HECA: variants seen among roughly 807,000 people sequenced by gnomAD.
HECA encodes the protein HECA ribonucleoprotein granule regulator.
In HECA, 13 loss-of-function variants were observed where a neutral mutation model predicts 37.6. That is an observed-to-expected ratio of 0.35 (90% CI 0.23 to 0.55). The LOEUF (loss-of-function observed/expected upper bound fraction) is 0.55. Among genes scored for constraint, HECA ranks in the 20% least tolerant of loss-of-function variants. The pLI, the probability that HECA is intolerant of heterozygous loss-of-function variation, is 0.90. For synonymous variants in HECA, 307 were observed against 291.5 expected (o/e 1.05, Z -0.54); for missense variants, 527 against 701.9 (o/e 0.75, Z 2.82).
At chr6:139,158,745 T>C (rs559607205) in intron 1 of HECA, among the ~76,000 whole-genome samples, 1 of 152,088 alleles carries the variant, frequency 6.6e-6, no homozygotes, top group Admixed American at 6.5e-5. Flanking sequence ...ACTTCTTCAT[T>C]CCTCATGGCA....
chr6:139,136,477 AC>A (rs1278568159), intron 1 of HECA, among the ~76,000 whole-genome samples: 3 of 151,316 alleles, frequency 2.0e-5, no homozygotes, highest in Non-Finnish European at 2.9e-5. Flanking sequence ...GCAAACACTT[AC>A]TTATTTGGAC....
intron 1 of HECA, among the ~76,000 whole-genome samples, chr6:139,156,590 A>G (rs1421228358): frequency 1.3e-5 from 2 of 152,260 alleles, no homozygotes; most frequent in African/African-American, 2.4e-5. Flanking sequence ...TGGAAAAGAA[A>G]TTAGATGTGA....
At chr6:139,144,174 A>T (rs915158335) in intron 1 of HECA, 1 of 152,096 alleles carries the variant, frequency 6.6e-6, no homozygotes. Context: ...CATTCATTAG[A>T]TCCTAATTCA....
chr6:139,135,701 C>T (rs1774425491), intron 1 of HECA, 34 bp downstream of exon 1: 4 of 960,298 alleles, frequency 4.2e-6, no homozygotes, highest in Admixed American at 6.2e-5. Flanking sequence ...GCGCCAACTT[C>T]CTCCCCGACG....
chr6:139,135,654 C>T lies in HECA; in HGVS notation c.258C>T (p.Gly86=). Residue 86 remains glycine (G), a synonymous_variant, in exon 1 of 4, where the codon GGC becomes GGT. Transcript: ENST00000367658. ...CCGCCGCGGGGGCTGCGGCCGCGGG[C>T]GATGCCAAAAACGGTAAGACGGGGC... ...AAAAAGAAAA[G]DAKNEAPCAT... 1.0e-6 allele frequency: 1 copy of T among 980,926 alleles called. No homozygotes were observed. Among genetic ancestry groups the T allele is most frequent in the Non-Finnish European group, 1.2e-6 (1 of 826,366 alleles). 60.8% of individuals were successfully genotyped at this position (980,926 alleles called of 1,614,324 possible).
chr6:139,161,787 T>C (rs1300639656), intron 1 of HECA, among the ~76,000 whole-genome samples: 1 of 152,216 alleles, frequency 6.6e-6, no homozygotes, highest in Non-Finnish European at 1.5e-5. Context: ...GTTATTGTGG[T>C]TACATTTCAG....
In HECA at chr6:139,176,497, G is replaced by T. The variant is rs956798943; in HGVS notation, c.1468-444G>T. Among the ~76,000 whole-genome samples, 1 of 152,120 alleles carries T rather than the reference G, an allele frequency of 6.6e-6. No individual in the cohort carries two copies. The stretch of plus-strand genomic sequence containing the variant: ...ACTCCAGAAGCCTCAGACCAGCACC[G>T]CACTTCCTGGATTGCTAATTTTACT... On this transcript the variant is annotated intron_variant, in intron 3 of 3. Transcript: ENST00000367658. The surrounding 1 kb of genome is among the most constrained non-coding windows in gnomAD (Gnocchi z 4.5).
intron 1 of HECA, among the ~76,000 whole-genome samples, chr6:139,145,582 C>A (rs529381992): frequency 5.0e-4 from 76 of 152,290 alleles, no homozygotes; most frequent in African/African-American, 1.8e-3. Flanking sequence ...GAAAAACTTT[C>A]TCTACTCTCT....
Position 139,177,008 on chromosome 6 carries a change from C to T in HECA, c.1535C>T (p.Ser512Phe). The change falls in exon 4 of 4, where the codon TCC (serine) becomes TTC (phenylalanine). Residue 512 changes from serine to phenylalanine, a missense_variant. Around this residue, in one of 4 missense-constraint regions of HECA, gnomAD observed 106 missense variants for 193.4 expected, o/e 0.55. Transcript: ENST00000367658. This position sits in a 1 kb window ranked among gnomAD's most constrained non-coding sequence, Gnocchi z 4.9. ...GTGAGGATCGGGATGCAGTACTTCTCCGAATATAGCAACGTCCAGCAGTGT... is the reference window on the plus strand; with the variant it reads ...GTGAGGATCGGGATGCAGTACTTCTTCGAATATAGCAACGTCCAGCAGTGT... ...IDVRIGMQYF[S>F]EYSNVQQCPH... is the part of the protein sequence containing the mutation. 1 of 872,792 alleles carries T rather than the reference C, an allele frequency of 1.1e-6. No individual in the cohort carries two copies. Among genetic ancestry groups the T allele is most frequent in the Non-Finnish European group, 2.0e-6 (1 of 501,592 alleles). 54.1% of individuals were successfully genotyped at this position (872,792 alleles called of 1,614,324 possible). A position where few individuals can be genotyped will look rare whatever the true frequency, so the allele number is the denominator to read the frequency against.
At chr6:139,154,970 C>T (rs1236275182) in intron 1 of HECA, among the ~76,000 whole-genome samples, 2 of 152,208 alleles carry the variant, frequency 1.3e-5, no homozygotes, top group Admixed American at 1.3e-4. Context: ...GATTGTTTAA[C>T]AACTGGTTGG....
rs1775064852 is a variant in HECA, at chr6:139,177,243, A to C, written c.*138A>C. On this transcript the variant is annotated 3_prime_UTR_variant, in exon 4 of 4. Coordinates refer to ENST00000367658, the MANE Select transcript of HECA (RefSeq NM_016217.3). This position sits in a 1 kb window ranked among gnomAD's most constrained non-coding sequence, Gnocchi z 4.9. ...ACTTTGTTGTATGTGTGCCACTAAAATAGGGGCTGCCCTTGCCCTGTCTTG... is the reference window on the plus strand; with the variant it reads ...ACTTTGTTGTATGTGTGCCACTAAACTAGGGGCTGCCCTTGCCCTGTCTTG... The C allele has an allele frequency of 1.7e-6, 1 of 584,510 alleles. No individual in the cohort carries two copies. Among genetic ancestry groups the C allele is most frequent in the Non-Finnish European group, 3.0e-6 (1 of 334,502 alleles). 36.2% of individuals were successfully genotyped at this position (584,510 alleles called of 1,614,324 possible). A position where few individuals can be genotyped will look rare whatever the true frequency, so the allele number is the denominator to read the frequency against.
At chr6:139,171,836 GT>G (rs899592230) in intron 2 of HECA, among the ~76,000 whole-genome samples, 1,513 of 141,544 alleles carry the variant, frequency 0.011, 26 homozygotes, top group African/African-American at 0.037. Flanking sequence ...TTGTTGTTGT[GT>G]TTTTTTTTTT....
intron 1 of HECA, among the ~76,000 whole-genome samples, chr6:139,137,785 A>G (rs1454522531): frequency 6.6e-6 from 1 of 152,086 alleles, no homozygotes. Context: ...AAACTGGTTA[A>G]GGGGCCCCTA....
intron 1 of HECA, chr6:139,144,697 A>G (rs1329825696): frequency 6.6e-6 from 1 of 152,262 alleles, no homozygotes. Context: ...AAAATTATAT[A>G]TTTTAACAGA....
chr6:139,154,199 A>G (rs1009596332), intron 1 of HECA, among the ~76,000 whole-genome samples: 3 of 152,248 alleles, frequency 2.0e-5, no homozygotes, highest in African/African-American at 7.2e-5. Flanking sequence ...AAGCCTGTGT[A>G]TGTTCAATAC....
rs1376013792 is a variant in HECA at position 139,166,864 on chromosome 6, C to T, written c.852C>T (p.His284=). The change falls in exon 2 of 4, where the codon CAC becomes CAT. Residue 284 remains histidine, a synonymous_variant. Coordinates refer to ENST00000367658, the MANE Select transcript of HECA (RefSeq NM_016217.3). The part of the protein sequence containing the change: ...PTGYSILSPA[H]FSGPRSSRYL... Reference sequence around the variant, plus strand: ...GCTACTCCATCCTCTCTCCTGCCCACTTCAGCGGCCCCCGCTCCTCCAGAT... The same window carrying T: ...GCTACTCCATCCTCTCTCCTGCCCATTTCAGCGGCCCCCGCTCCTCCAGAT... The T allele has an allele frequency of 2.5e-6, 4 of 1,614,022 alleles. No individual in the cohort carries two copies. Among genetic ancestry groups the T allele is most frequent in the East Asian group, 4.5e-5 (2 of 44,866 alleles).
intron 1 of HECA, among the ~76,000 whole-genome samples, chr6:139,154,280 C>T (rs1259004626): frequency 6.6e-6 from 1 of 152,070 alleles, no homozygotes; most frequent in Non-Finnish European, 1.5e-5. Context: ...GGATGTGGAA[C>T]CCACAGATAT....
At chr6:139,159,492 G>A (rs1774766712) in intron 1 of HECA, among the ~76,000 whole-genome samples, 1 of 152,140 alleles carries the variant, frequency 6.6e-6, no homozygotes, top group African/African-American at 2.4e-5. Flanking sequence ...GGTGCCACAA[G>A]GAGGGTAGCA....
intron 1 of HECA, among the ~76,000 whole-genome samples, chr6:139,154,630 T>A (rs1774691493): frequency 6.6e-6 from 1 of 152,182 alleles, no homozygotes; most frequent in South Asian, 2.1e-4. Flanking sequence ...AGGGGTAAAG[T>A]CATTAGTCTT....
Sources: allele counts gnomAD v4.1 joint callset (sites outside exome capture counted in the v4.1 genomes callset), GRCh38; gene constraint gnomAD v4.1.1; regional missense constraint gnomAD v4.1.1; non-coding constraint Gnocchi (gnomAD v3.1); transcripts MANE v1.5; gene names NCBI Gene and HGNC (gene_info 2026-07-23, HGNC 2026-07-21).